RBP4: variants seen among roughly 807,000 people sequenced by gnomAD.
RBP4 encodes retinol binding protein 4.
In RBP4, 9 loss-of-function variants were observed where a neutral mutation model predicts 26.2. The ratio of observed to expected loss-of-function variants is 0.34; its 90% confidence interval spans 0.21 to 0.60. RBP4 has a LOEUF of 0.60. RBP4 is among the 20% of genes least tolerant of loss of function. The pLI, the probability that RBP4 is intolerant of heterozygous loss-of-function variation, is 0.80. For synonymous variants in RBP4, 114 were observed against 111.0 expected (o/e 1.03, Z -0.17); for missense variants, 244 against 271.3 (o/e 0.90, Z 0.71).
intron 3 of RBP4, 72 bp from the exon 4 acceptor site, chr10:93,600,571 T>A (rs1253777614): frequency 6.2e-7 from 1 of 1,612,296 alleles, no homozygotes; most frequent in Non-Finnish European, 8.5e-7. Context: ...CATTCGGTGC[T>A]CCCTTCCCTT....
chr10:93,597,060 T>G (rs1217526787), intron 4 of RBP4, among the ~76,000 whole-genome samples: 1 of 152,224 alleles, frequency 6.6e-6, no homozygotes, highest in Non-Finnish European at 1.5e-5. Context: ...AACTTCATTG[T>G]GCAGAAACAG....
intron 2 of RBP4, 44 bp from the exon 3 acceptor site, chr10:93,600,847 CGGCGGGCCGCGG>C (rs2058332689): frequency 1.4e-6 from 1 of 718,378 alleles, no homozygotes; most frequent in African/African-American, 2.0e-5. Flanking sequence ...CGGGGGCGCA[CGGCGGGCCGCGG>C]GGAGGGCGGG....
At chr10:93,601,650 C>T (rs1439542178), upstream of RBP4, 2 of 777,946 alleles carry the variant, frequency 2.6e-6, no homozygotes, top group South Asian at 2.7e-5. Context: ...AGGCCCTGGC[C>T]ATGCCAAATT....
chr10:93,601,181 G>A lies in RBP4; in HGVS notation c.-29C>T. 4.3e-6 allele frequency: 6 copies of A among 1,394,636 alleles called. No homozygotes were observed. Among genetic ancestry groups the A allele is most frequent in the Non-Finnish European group, 5.5e-6 (6 of 1,085,048 alleles). 86.4% of individuals were successfully genotyped at this position (1,394,636 alleles called of 1,614,324 possible). On this transcript the variant is annotated 5_prime_UTR_variant, in exon 1 of 6. Transcript: ENST00000371464. ...CCGGCCGCGACTCACCACCGGGAGG[G>A]GAACCGCGCGCAAGCCTGGCCGCCG...
intron 4 of RBP4, among the ~76,000 whole-genome samples, chr10:93,599,039 A>T (rs1276433721): frequency 6.6e-6 from 1 of 152,156 alleles, no homozygotes; most frequent in Non-Finnish European, 1.5e-5. Context: ...GCTTGAGCCC[A>T]GGAGATCAAG....
intron 4 of RBP4, among the ~76,000 whole-genome samples, chr10:93,598,837 G>A (rs996150392): frequency 3.9e-5 from 6 of 152,166 alleles, no homozygotes; most frequent in African/African-American, 1.4e-4. Flanking sequence ...ATTGATTTTT[G>A]TAATCCATTA....
intron 3 of RBP4, 40 bp from the exon 4 acceptor site, chr10:93,600,539 G>A (rs1589686827): frequency 3.7e-6 from 6 of 1,613,154 alleles, no homozygotes; most frequent in African/African-American, 1.3e-5. Flanking sequence ...GCCGGGCAAA[G>A]GGCTTCCTCC....
chr10:93,591,746 G>A lies in RBP4; in HGVS notation c.*329C>T, dbSNP rs2058267281. On this transcript the variant is annotated 3_prime_UTR_variant, in exon 6 of 6. Coordinates refer to ENST00000371464, the MANE Select transcript of RBP4 (RefSeq NM_006744.4). The stretch of plus-strand genomic sequence containing the variant: ...AGATTAGGCACTAGAACAGGCCAAA[G>A]GTCAGAAAGAGCCACGTGCTCCTGG... The A allele has an allele frequency of 6.0e-6, 2 of 331,126 alleles. No individual in the cohort carries two copies. Among genetic ancestry groups the A allele is most frequent in the South Asian group, 3.6e-5 (1 of 27,492 alleles). The allele number at this position is 331,126 out of a possible 1,614,324, so 20.5% of individuals were successfully genotyped here.
At chr10:93,594,869 A>T (rs373498988) in intron 4 of RBP4, among the ~76,000 whole-genome samples, 4 of 152,212 alleles carry the variant, frequency 2.6e-5, no homozygotes, top group Non-Finnish European at 5.9e-5. Context: ...GCCGGGCACC[A>T]TGGCTCGTGC....
chr10:93,592,911 G>A (rs561206007), intron 5 of RBP4, among the ~76,000 whole-genome samples: 4 of 152,152 alleles, frequency 2.6e-5, no homozygotes, highest in East Asian at 3.9e-4. Flanking sequence ...TCCGCCTCCC[G>A]GGCTCAAGTA....
Position 93,592,116 on chromosome 10 carries a change from GAA to G in RBP4, c.569-6_569-5del. 6.2e-7 allele frequency: 1 copy of G among 1,613,994 alleles called. No individual in the cohort carries two copies. Among genetic ancestry groups the G allele is most frequent in the Non-Finnish European group, 8.5e-7 (1 of 1,179,892 alleles). ...TCTGATCTGCCATCGCAGTAACCTG[GAA>G]AATACAAAACAAAGCCATTAACGAC... On this transcript the variant is annotated splice_region_variant and splice_polypyrimidine_tract_variant and intron_variant, in intron 5 of 5. Transcript: ENST00000371464.
At position 93,600,925 on chromosome 10, in the gene RBP4, T is replaced by C; in HGVS notation, c.104A>G (p.Lys35Arg). ...SSFRVKENFD[K>R]ARFSGTWYAM... The stretch of plus-strand genomic sequence containing the variant: ...CCCTGGGCCGATACCTACGCGAGCC[T>C]TGTCGAAGTTCTCCTTGACTCGGAA... Residue 35 changes from lysine (K) to arginine (R), a missense_variant, in exon 2 of 6, where the codon AAG becomes AGG. Transcript: ENST00000371464. 6.2e-7 allele frequency: 1 copy of C among 1,612,402 alleles called. No homozygotes were observed. The highest frequency in any genetic ancestry group is 8.5e-7 in the Non-Finnish European group (1 of 1,179,746).
chr10:93,595,451 G>C (rs375227914), intron 4 of RBP4, among the ~76,000 whole-genome samples: 2 of 152,346 alleles, frequency 1.3e-5, no homozygotes, highest in African/African-American at 4.8e-5. Flanking sequence ...GAGCAGGGCA[G>C]AACTGGGATT....
chr10:93,601,613 G>T, upstream of RBP4: 1 of 757,162 alleles, frequency 1.3e-6, no homozygotes, highest in Non-Finnish European at 2.4e-6. Flanking sequence ...GAGCGGACCC[G>T]CGAGGCTCCC....
intron 4 of RBP4, among the ~76,000 whole-genome samples, chr10:93,598,073 ATTC>A (rs1375456312): frequency 1.3e-5 from 2 of 152,222 alleles, no homozygotes; most frequent in East Asian, 3.8e-4. Flanking sequence ...AGTGCCAAAA[ATTC>A]ACCCTGTGCC....
rs1168706270 is a variant in RBP4 at position 93,591,951 on chromosome 10, TGAA to T, written c.*121_*123del. On this transcript the variant is annotated 3_prime_UTR_variant, in exon 6 of 6. Transcript: ENST00000371464. Reference sequence around the variant, plus strand: ...CCCCCACGTGTATCTTTATGTGTAATGAAGGTTTTATGGGAACTGAGGGAAGAT... The same window carrying T: ...CCCCCACGTGTATCTTTATGTGTAATGGTTTTATGGGAACTGAGGGAAGAT... The T allele has an allele frequency of 1.7e-5, 14 of 842,552 alleles. No homozygotes were observed. Among genetic ancestry groups the T allele is most frequent in the Non-Finnish European group, 2.6e-5 (13 of 493,366 alleles). 52.2% of individuals were successfully genotyped at this position (842,552 alleles called of 1,614,324 possible). A position where few individuals can be genotyped will look rare whatever the true frequency, so the allele number is the denominator to read the frequency against.
Position 93,592,113 on chromosome 10 carries a change from C to G in RBP4, c.569-1G>C, listed in dbSNP as rs2058270689. 1 of 1,614,060 alleles carries G rather than the reference C, an allele frequency of 6.2e-7. No homozygotes were observed. The highest frequency in any genetic ancestry group is 2.2e-5 in the East Asian group (1 of 44,876). ...CTTTCTGATCTGCCATCGCAGTAACCTGGAAAATACAAAACAAAGCCATTA... is the reference window on the plus strand; with the variant it reads ...CTTTCTGATCTGCCATCGCAGTAACGTGGAAAATACAAAACAAAGCCATTA... On this transcript the variant is annotated splice_acceptor_variant, in intron 5 of 5. Coordinates refer to ENST00000371464, the MANE Select transcript of RBP4 (RefSeq NM_006744.4). LOFTEE classifies it high-confidence loss of function.
chr10:93,600,609 C>CAGGG (rs2058330108), intron 3 of RBP4, 58 bp downstream of exon 3: 1 of 1,612,592 alleles, frequency 6.2e-7, no homozygotes, highest in Non-Finnish European at 8.5e-7. Flanking sequence ...GATCAGCAGG[C>CAGGG]AGGGCCCTTG....
chr10:93,593,771 C>A, intron 5 of RBP4, 52 bp downstream of exon 5: 1 of 1,592,648 alleles, frequency 6.3e-7, no homozygotes, highest in South Asian at 1.1e-5. Flanking sequence ...CCCCTTAGTC[C>A]AAACCCACTG....
Sources: gnomAD v4.1 joint callset for allele counts (sites outside exome capture counted in the v4.1 genomes callset) on GRCh38, gnomAD v4.1.1 for gene constraint, MANE v1.5 for transcripts, NCBI Gene and HGNC (gene_info 2026-07-23, HGNC 2026-07-21) for gene names.